DLGAP4: variants seen among roughly 807,000 people sequenced by gnomAD.
The protein encoded by DLGAP4 is disks large-associated protein 4.
In DLGAP4, 18 loss-of-function variants were observed where a neutral mutation model predicts 86.9. The ratio of observed to expected loss-of-function variants is 0.21; its 90% CI spans 0.14 to 0.31. The LOEUF is 0.31. DLGAP4 is among the 10% of genes least tolerant of loss of function. The pLI is 1.00. For missense variants in DLGAP4, 1,085 were observed against 1,362.6 expected, an observed-to-expected ratio of 0.80 and a Z score of 3.21; for synonymous variants, 548 against 574.3, an observed-to-expected ratio of 0.95 and a Z score of 0.65.
chr20:36,479,330 G>C (rs1277942256), intron 7 of DLGAP4, among the ~76,000 whole-genome samples: 3 of 152,082 alleles, frequency 2.0e-5, no homozygotes, highest in African/African-American at 7.2e-5. Context: ...TGAGAGGGTG[G>C]GGTTCTGCCT....
rs1416964777 is a variant in DLGAP4 at position 36,446,786 on chromosome 20, C to T, written c.1497C>T (p.Asp499=). The change falls in exon 7 of 13, where the codon GAC becomes GAT. Residue 499 remains aspartate (D), a synonymous_variant. Coordinates refer to ENST00000339266, the MANE Select transcript of DLGAP4 (RefSeq NM_001365621.2). The part of the protein sequence containing the change: ...EAESTAAETL[D]LPLPSYFRSR... ...AGTCCACAGCGGCAGAGACGCTTGA[C>T]TTGCCACTGCCCAGCTACTTCCGCT... 2.5e-6 allele frequency: 4 copies of T among 1,612,780 alleles called. No homozygotes were observed. The highest frequency in any genetic ancestry group is 2.2e-5 in the East Asian group (1 of 44,862).
At chr20:36,488,979 G>T (rs1015480606) in intron 7 of DLGAP4, among the ~76,000 whole-genome samples, 2 of 152,214 alleles carry the variant, frequency 1.3e-5, no homozygotes, top group African/African-American at 4.8e-5. Flanking sequence ...TTCTCCATAA[G>T]GGACATCACA....
chr20:36,428,704 G>C (rs750905016), intron 2 of DLGAP4, among the ~76,000 whole-genome samples: 1 of 152,254 alleles, frequency 6.6e-6, no homozygotes, highest in African/African-American at 2.4e-5. Context: ...TTCCAGTCCT[G>C]GTTCCGTGTG....
chr20:36,388,738 T>A (rs2031688606), intron 2 of DLGAP4, among the ~76,000 whole-genome samples: 1 of 152,154 alleles, frequency 6.6e-6, no homozygotes, highest in Non-Finnish European at 1.5e-5. Context: ...ATGTAAATGA[T>A]TCGGAGCATA....
At chr20:36,313,555 G>GC in intron 1 of DLGAP4, among the ~76,000 whole-genome samples, 1 of 151,372 alleles carries the variant, frequency 6.6e-6, no homozygotes, top group African/African-American at 2.4e-5. Context: ...GGGTGGGGGG[G>GC]GGTCACCTGC....
intron 2 of DLGAP4, among the ~76,000 whole-genome samples, chr20:36,382,527 C>CTTTTTTTTTTTTTTTTTTTTTTTTTTTTT (rs749210064): frequency 3.6e-5 from 4 of 110,472 alleles, no homozygotes; most frequent in African/African-American, 7.2e-5. Context: ...TTCTTTTTTT[C>CTTTTTTTTTTTTTTTTTTTTTTTTTTTTT]TTTTTTTTTT....
intron 7 of DLGAP4, among the ~76,000 whole-genome samples, chr20:36,487,917 G>A (rs2035485730): frequency 6.6e-6 from 1 of 152,102 alleles, no homozygotes; most frequent in South Asian, 2.1e-4. Flanking sequence ...AAGGCAGTTA[G>A]TGCGCCGGGC....
In DLGAP4 at chr20:36,436,347, G is replaced by T; in HGVS notation, c.1238G>T (p.Arg413Leu). Residue 413 changes from arginine to leucine, a missense_variant, in exon 4 of 13, where the codon CGC becomes CTC. Physicochemically the swap from Arg to Leu is moderately radical, Grantham distance 102. Around this residue, in one of 2 missense-constraint regions of DLGAP4, gnomAD observed 1,082 missense variants for 1,344.1 expected, o/e 0.81. Transcript: ENST00000339266. ...QQSLGEQSNP[R>L]RSLDRLDSVD... ...TCGCTGGGAGAGCAGAGCAACCCCC[G>T]CAGGTAGGCGCGCAGCTCCACCCTT... 1.3e-6 allele frequency: 2 copies of T among 1,591,428 alleles called. No homozygotes were observed. Among genetic ancestry groups the T allele is most frequent in the Admixed American group, 1.7e-5 (1 of 59,232 alleles).
At chr20:36,458,513 C>T (rs2033940753) in intron 7 of DLGAP4, among the ~76,000 whole-genome samples, 1 of 151,122 alleles carries the variant, frequency 6.6e-6, no homozygotes. Context: ...AGGCATGAAC[C>T]ACCGTGCCTG....
intron 7 of DLGAP4, among the ~76,000 whole-genome samples, chr20:36,472,331 G>A (rs555541632): frequency 3.3e-5 from 5 of 151,992 alleles, no homozygotes; most frequent in South Asian, 2.1e-4. Context: ...GCGAAACGCC[G>A]TCTCTATAAA....
intron 10 of DLGAP4, among the ~76,000 whole-genome samples, chr20:36,507,213 T>G (rs1468658823): frequency 7.3e-6 from 1 of 137,342 alleles, no homozygotes; most frequent in Non-Finnish European, 1.6e-5. Flanking sequence ...ACAAAAGTTG[T>G]TTTTTTTTTG....
At chr20:36,327,107 C>A (rs2065223142) in intron 1 of DLGAP4, among the ~76,000 whole-genome samples, 1 of 144,306 alleles carries the variant, frequency 6.9e-6, no homozygotes, top group Admixed American at 7.2e-5. Context: ...TCAAGTGATT[C>A]TCCTACCTCA....
intron 2 of DLGAP4, among the ~76,000 whole-genome samples, chr20:36,379,569 A>G (rs2031295662): frequency 6.6e-6 from 1 of 152,162 alleles, no homozygotes; most frequent in African/African-American, 2.4e-5. Flanking sequence ...GACATCAGGG[A>G]AACTTAGACC....
intron 2 of DLGAP4, among the ~76,000 whole-genome samples, chr20:36,394,350 A>G (rs1600475985): frequency 1.3e-5 from 2 of 152,122 alleles, no homozygotes. Flanking sequence ...TGCTTGGGCC[A>G]CTGCCCTGCG....
chr20:36,410,468 A>G (rs1015385273), intron 2 of DLGAP4, among the ~76,000 whole-genome samples: 5 of 152,192 alleles, frequency 3.3e-5, no homozygotes, highest in Non-Finnish European at 7.3e-5. Flanking sequence ...CATCACTATA[A>G]AGAAATATCT....
intron 10 of DLGAP4, among the ~76,000 whole-genome samples, chr20:36,519,339 T>C (rs2037229213): frequency 6.6e-6 from 1 of 152,154 alleles, no homozygotes; most frequent in African/African-American, 2.4e-5. Context: ...TAATTTATTG[T>C]ATATTTTATG....
At chr20:36,517,608 A>AT (rs533057453) in intron 10 of DLGAP4, among the ~76,000 whole-genome samples, 1,535 of 145,834 alleles carry the variant, frequency 0.011, 27 homozygotes, top group African/African-American at 0.036. Flanking sequence ...GTTGTTACTG[A>AT]TTTTTTTTTT....
chr20:36,317,865 C>T (rs927220837), intron 1 of DLGAP4, among the ~76,000 whole-genome samples: 2 of 152,022 alleles, frequency 1.3e-5, no homozygotes, highest in Non-Finnish European at 1.5e-5. Flanking sequence ...AGAGCAGCCA[C>T]ACAGGGCTGG....
chr20:36,444,650 T>A lies in DLGAP4; in HGVS notation c.1407+1873T>A, dbSNP rs543975067. On this transcript the variant is annotated intron_variant, in intron 6 of 12. Coordinates refer to ENST00000339266, the MANE Select transcript of DLGAP4 (RefSeq NM_001365621.2). The stretch of plus-strand genomic sequence containing the variant: ...TTTATTTAATTTTAATCAAAAAAAA[T>A]TTTTTTTTGAGATGGAGTCTCGTTT... Among the ~76,000 whole-genome samples, 66 of 151,644 alleles carry A rather than the reference T, an allele frequency of 4.4e-4. 1 individual carries two copies. The South Asian group carries it at 5.0e-3, about 11-fold the overall frequency.
Sources: allele counts gnomAD v4.1 joint callset (sites outside exome capture counted in the v4.1 genomes callset), GRCh38; gene constraint gnomAD v4.1.1; regional missense constraint gnomAD v4.1.1; transcripts MANE v1.5; gene names NCBI Gene and HGNC (gene_info 2026-07-23, HGNC 2026-07-21).